The following SPECC1 variants were observed in gnomAD, a reference collection of about 807,000 sequenced individuals.
SPECC1 encodes cytospin-B.
In SPECC1, 62 loss-of-function variants were observed where a neutral mutation model predicts 104.1. The ratio of observed to expected loss-of-function variants is 0.60; its 90% confidence interval spans 0.49 to 0.74. The LOEUF (loss-of-function observed/expected upper bound fraction) is 0.74. SPECC1 is among the 30% of genes least tolerant of loss of function. The pLI, the probability that SPECC1 is intolerant of heterozygous loss-of-function variation, is 0.00. For synonymous variants in SPECC1, 513 were observed against 501.6 expected (o/e 1.02, Z -0.30); for missense variants, 1,306 against 1,310.5 (o/e 1.00, Z 0.05).
At chr17:20,183,665 T>C (rs189390723) in intron 3 of SPECC1, among the ~76,000 whole-genome samples, 305 of 152,310 alleles carry the variant, frequency 2.0e-3, no homozygotes, top group African/African-American at 7.0e-3. Flanking sequence ...CCAGATTACT[T>C]ATACTACCTA....
intron 7 of SPECC1, chr17:20,237,100 G>A: frequency 7.1e-7 from 1 of 1,404,570 alleles, no homozygotes. Flanking sequence ...CAAAGATGAT[G>A]TTTCCCTCTT....
intron 1 of SPECC1, among the ~76,000 whole-genome samples, chr17:20,028,981 C>A (rs1374765891): frequency 1.3e-5 from 2 of 152,136 alleles, no homozygotes; most frequent in African/African-American, 4.8e-5. Context: ...AGGCTGATCT[C>A]GAGCTCCCGA....
intron 3 of SPECC1, among the ~76,000 whole-genome samples, chr17:20,198,857 T>C (rs1310485992): frequency 6.6e-6 from 1 of 152,216 alleles, no homozygotes; most frequent in African/African-American, 2.4e-5. Context: ...CTTGTTTTTC[T>C]GGAACACATC....
At chr17:20,113,219 A>G (rs773804047) in intron 3 of SPECC1, among the ~76,000 whole-genome samples, 3 of 152,156 alleles carry the variant, frequency 2.0e-5, no homozygotes, top group African/African-American at 4.8e-5. Flanking sequence ...GGGAAACTAG[A>G]TATTGCTGCC....
chr17:20,280,597 G>T (rs896341912), intron 12 of SPECC1, among the ~76,000 whole-genome samples: 10 of 152,236 alleles, frequency 6.6e-5, no homozygotes, highest in Non-Finnish European at 1.0e-4. Flanking sequence ...AGAACCCTCT[G>T]TGATGATGGG....
intron 3 of SPECC1, among the ~76,000 whole-genome samples, chr17:20,113,927 G>GAA (rs1207265632): frequency 6.6e-6 from 1 of 152,166 alleles, no homozygotes; most frequent in Non-Finnish European, 1.5e-5. Context: ...GGCCATCTTA[G>GAA]AAATAGATAT....
intron 4 of SPECC1, among the ~76,000 whole-genome samples, chr17:20,208,373 A>C (rs528733479): frequency 6.6e-6 from 1 of 152,268 alleles, no homozygotes; most frequent in South Asian, 2.1e-4. Flanking sequence ...GACTTGTAAC[A>C]TACTAATCTT....
At chr17:20,289,450 C>T (rs1179677419) in intron 12 of SPECC1, among the ~76,000 whole-genome samples, 2 of 152,104 alleles carry the variant, frequency 1.3e-5, no homozygotes, top group African/African-American at 4.8e-5. Flanking sequence ...TATAGGTGCA[C>T]ACCACCATGC....
At chr17:20,066,963 C>T (rs957827937) in intron 1 of SPECC1, among the ~76,000 whole-genome samples, 40 of 142,326 alleles carry the variant, frequency 2.8e-4, no homozygotes, top group Admixed American at 8.1e-4. Context: ...GTTGCCCAGG[C>T]GGGTCTTGAA....
At chr17:20,219,665 G>C (rs1047420898) in intron 4 of SPECC1, among the ~76,000 whole-genome samples, 2 of 152,168 alleles carry the variant, frequency 1.3e-5, no homozygotes, top group African/African-American at 4.8e-5. Flanking sequence ...TTGCTGTGCA[G>C]AAGCTTTTTA....
At chr17:20,043,919 G>A (rs1260845665) in intron 1 of SPECC1, among the ~76,000 whole-genome samples, 3 of 152,168 alleles carry the variant, frequency 2.0e-5, no homozygotes, top group Admixed American at 2.0e-4. Flanking sequence ...AGTGATTTGT[G>A]TGCCTGTGTC....
intron 1 of SPECC1, among the ~76,000 whole-genome samples, chr17:20,093,897 A>AT (rs769487715): frequency 2.6e-4 from 39 of 151,462 alleles, no homozygotes; most frequent in African/African-American, 7.7e-4. Context: ...CGTCCCCCTA[A>AT]TTTTTTGTAT....
At chr17:20,111,015 C>T (rs1435650163) in intron 3 of SPECC1, among the ~76,000 whole-genome samples, 3 of 152,098 alleles carry the variant, frequency 2.0e-5, no homozygotes, top group African/African-American at 7.2e-5. Flanking sequence ...CTCAGAGTGG[C>T]TTGGACGGCA....
chr17:20,282,407 G>A (rs1343679163), intron 12 of SPECC1, among the ~76,000 whole-genome samples: 2 of 152,260 alleles, frequency 1.3e-5, no homozygotes, highest in South Asian at 2.1e-4. Context: ...TCAAACCCTC[G>A]GTGCTTTCAG....
chr17:20,208,264 G>A (rs1359071638), intron 4 of SPECC1, among the ~76,000 whole-genome samples: 1 of 152,154 alleles, frequency 6.6e-6, no homozygotes, highest in Non-Finnish European at 1.5e-5. Context: ...AAAGATGGGG[G>A]CATGCTATCA....
At chr17:20,075,864 T>C (rs1233253412) in intron 1 of SPECC1, among the ~76,000 whole-genome samples, 3 of 152,182 alleles carry the variant, frequency 2.0e-5, no homozygotes, top group Non-Finnish European at 4.4e-5. Context: ...AGAAGATCGC[T>C]TGAAATCAGG....
intron 2 of SPECC1, among the ~76,000 whole-genome samples, chr17:20,103,942 G>A (rs1186175934): frequency 6.6e-6 from 1 of 152,156 alleles, no homozygotes; most frequent in Non-Finnish European, 1.5e-5. Context: ...GACGAGAAAG[G>A]GAGCCCCACC....
rs141808698 is a variant in SPECC1 at position 20,111,520 on chromosome 17, A to G, written c.283+958A>G. Among the ~76,000 whole-genome samples, 736 of 152,372 alleles carry G rather than the reference A, an allele frequency of 4.8e-3. 3 individuals are homozygous for G. The highest frequency in any genetic ancestry group is 0.013 in the African/African-American group (535 of 41,584). On this transcript the variant is annotated intron_variant, in intron 3 of 14. Coordinates refer to ENST00000395527, the MANE Select transcript of SPECC1 (RefSeq NM_001243439.2). ...ACACACACTTGGTTTTTAAAATACA[A>G]TAAACAAAAGTACCATTTATTTTTA...
chr17:20,200,922 TA>T (rs2036390248), intron 3 of SPECC1, among the ~76,000 whole-genome samples: 1 of 150,484 alleles, frequency 6.6e-6, no homozygotes, highest in African/African-American at 2.4e-5. Context: ...AGAATAGATA[TA>T]ACAAAAATAT....
Sources: gnomAD v4.1 joint callset for allele counts (sites outside exome capture counted in the v4.1 genomes callset) on GRCh38, gnomAD v4.1.1 for gene constraint, MANE v1.5 for transcripts, NCBI Gene and HGNC (gene_info 2026-07-23, HGNC 2026-07-21) for gene names.